BEND7: variants seen among roughly 807,000 people sequenced by gnomAD.
The protein encoded by BEND7 is BEN domain-containing protein 7.
A neutral mutation model predicts 50.9 loss-of-function variants in BEND7; 28 were observed. The observed-to-expected ratio is 0.55, with a 90% CI of 0.41 to 0.75. The LOEUF (loss-of-function observed/expected upper bound fraction) is 0.75. BEND7 is among the 30% of genes least tolerant of loss of function. The pLI, the probability that BEND7 is intolerant of heterozygous loss-of-function variation, is 0.00. For missense variants in BEND7, 477 were observed against 491.3 expected, an observed-to-expected ratio of 0.97 and a Z score of 0.28; for synonymous variants, 170 against 183.9, an observed-to-expected ratio of 0.92 and a Z score of 0.61.
chr10:13,462,622 G>A (rs1236738551), intron 6 of BEND7, among the ~76,000 whole-genome samples: 1 of 152,142 alleles, frequency 6.6e-6, no homozygotes, highest in Non-Finnish European at 1.5e-5. Flanking sequence ...ATAACCCAGA[G>A]TGTAACATAG....
chr10:13,526,121 T>C lies in BEND7; in HGVS notation c.145+17A>G, dbSNP rs746778141. Reference sequence around the variant, plus strand: ...TCACGATGTTTTGCTGAGGTATTAATTGACATAGGAACCTACCTAAAAAAA... The same window carrying C: ...TCACGATGTTTTGCTGAGGTATTAACTGACATAGGAACCTACCTAAAAAAA... On this transcript the variant is annotated intron_variant, in intron 2 of 8. Transcript: ENST00000466271. 26 of 1,256,344 alleles carry C rather than the reference T, an allele frequency of 2.1e-5. No homozygotes were observed. Among genetic ancestry groups the C allele is most frequent in the Non-Finnish European group, 2.6e-5 (25 of 963,600 alleles). The allele number at this position is 1,256,344 out of a possible 1,614,324, so 77.8% of individuals were successfully genotyped here.
chr10:13,520,077 G>A (rs1185548048), intron 2 of BEND7, among the ~76,000 whole-genome samples: 4 of 152,154 alleles, frequency 2.6e-5, no homozygotes, highest in Non-Finnish European at 4.4e-5. Flanking sequence ...ATGGTACAGT[G>A]GAAAGATCGT....
chr10:13,497,872 A>G (rs2077136279), intron 3 of BEND7, among the ~76,000 whole-genome samples: 1 of 152,134 alleles, frequency 6.6e-6, no homozygotes. Context: ...AAATCCTGTA[A>G]TATGCATTAT....
chr10:13,488,090 A>C (rs1211245486), intron 5 of BEND7, among the ~76,000 whole-genome samples: 38 of 114,274 alleles, frequency 3.3e-4, no homozygotes, highest in African/African-American at 1.6e-3. Context: ...CAATTACAAA[A>C]AAAAAAAAAA....
intron 6 of BEND7, among the ~76,000 whole-genome samples, chr10:13,457,094 A>G (rs1839146364): frequency 6.6e-6 from 1 of 152,202 alleles, no homozygotes; most frequent in Admixed American, 6.5e-5. Context: ...CCCCCCTTGT[A>G]ATATTATTTA....
intron 6 of BEND7, among the ~76,000 whole-genome samples, chr10:13,458,321 T>G (rs1203551417): frequency 6.6e-6 from 1 of 152,212 alleles, no homozygotes; most frequent in African/African-American, 2.4e-5. Flanking sequence ...AACGCGCCAC[T>G]CTGCAAACAA....
At chr10:13,507,000 G>A (rs866352845) in intron 2 of BEND7, among the ~76,000 whole-genome samples, 3 of 152,116 alleles carry the variant, frequency 2.0e-5, no homozygotes, top group Non-Finnish European at 2.9e-5. Flanking sequence ...AATGGGAAAC[G>A]CAGCTACTGG....
At chr10:13,494,733 T>A (rs2076916730) in intron 4 of BEND7, among the ~76,000 whole-genome samples, 2 of 152,214 alleles carry the variant, frequency 1.3e-5, no homozygotes, top group South Asian at 4.1e-4. Flanking sequence ...GGGGACTATC[T>A]GAGTTTTTCT....
intron 8 of BEND7, chr10:13,444,599 G>C (rs1835896098): frequency 6.6e-6 from 1 of 152,214 alleles, no homozygotes; most frequent in African/African-American, 2.4e-5. Flanking sequence ...GTTCTGACCA[G>C]TGAGGCTCAA....
Position 13,528,646 on chromosome 10 carries a change from G to C in BEND7, c.-113C>G. ...CGTGTCACCGCGGCGGAGCCGCCGG[G>C]ACCAAGGTCCGCGCCTGGAGTCGGC... is the stretch of plus-strand genomic sequence containing the variant. On this transcript the variant is annotated 5_prime_UTR_variant, in exon 1 of 9. Transcript: ENST00000466271. 2 of 545,138 alleles carry C rather than the reference G, an allele frequency of 3.7e-6. No homozygotes were observed. Among genetic ancestry groups the C allele is most frequent in the South Asian group, 1.5e-4 (2 of 13,338 alleles). 33.8% of individuals were successfully genotyped at this position (545,138 alleles called of 1,614,324 possible). A position where few individuals can be genotyped will look rare whatever the true frequency, so the allele number is the denominator to read the frequency against.
At chr10:13,474,733 C>T (rs948161952) in intron 6 of BEND7, among the ~76,000 whole-genome samples, 1 of 152,052 alleles carries the variant, frequency 6.6e-6, no homozygotes, top group African/African-American at 2.4e-5. Flanking sequence ...GGACTCGGGT[C>T]GATACCCATC....
chr10:13,458,199 A>G (rs1272836536), intron 6 of BEND7, among the ~76,000 whole-genome samples: 1 of 152,252 alleles, frequency 6.6e-6, no homozygotes, highest in East Asian at 1.9e-4. Flanking sequence ...TTAATTGTAT[A>G]TAAATAATGA....
intron 2 of BEND7, among the ~76,000 whole-genome samples, chr10:13,510,595 T>G (rs1257591456): frequency 1.3e-5 from 2 of 152,208 alleles, no homozygotes; most frequent in African/African-American, 4.8e-5. Context: ...AAATAGACCC[T>G]TCTAGAGTCA....
chr10:13,447,460 A>G (rs1201531996), intron 7 of BEND7, 144 bp from the exon 8 acceptor site: 4 of 672,020 alleles, frequency 6.0e-6, no homozygotes, highest in East Asian at 2.9e-5. Context: ...CCGTTGGTTC[A>G]TATTACAGAT....
intron 6 of BEND7, among the ~76,000 whole-genome samples, chr10:13,473,173 C>A (rs988562182): frequency 1.3e-5 from 2 of 151,630 alleles, no homozygotes; most frequent in African/African-American, 4.9e-5. Context: ...AGACTCAGGA[C>A]CAATATCATC....
chr10:13,526,267 G>C (rs545331269), intron 1 of BEND7, 46 bp from the exon 2 acceptor site: 1 of 1,004,160 alleles, frequency 1.0e-6, no homozygotes, highest in Non-Finnish European at 1.4e-6. Flanking sequence ...AGGACCTCAA[G>C]ATAGGAATAA....
chr10:13,446,172 G>C (rs947833118), intron 8 of BEND7: 24 of 152,204 alleles, frequency 1.6e-4, no homozygotes, highest in African/African-American at 5.5e-4. Context: ...TAGCTCATTT[G>C]ATTTATCTGT....
At chr10:13,525,600 T>C (rs2079405259) in intron 2 of BEND7, among the ~76,000 whole-genome samples, 1 of 152,230 alleles carries the variant, frequency 6.6e-6, no homozygotes, top group Admixed American at 6.5e-5. Flanking sequence ...GTCACACTTT[T>C]ATTTTCCTTA....
intron 5 of BEND7, among the ~76,000 whole-genome samples, chr10:13,490,317 G>T (rs1050002127): frequency 6.6e-6 from 1 of 152,184 alleles, no homozygotes; most frequent in Non-Finnish European, 1.5e-5. Flanking sequence ...TCTAGCAAAC[G>T]TGTTGAGGAT....
Sources: allele counts gnomAD v4.1 joint callset (sites outside exome capture counted in the v4.1 genomes callset), GRCh38; gene constraint gnomAD v4.1.1; transcripts MANE v1.5; gene names NCBI Gene and HGNC (gene_info 2026-07-23, HGNC 2026-07-21).